ZYG11A: variants seen among roughly 807,000 people sequenced by gnomAD.
ZYG11A encodes protein zyg-11 homolog A.
A neutral mutation model predicts 77.2 loss-of-function variants in ZYG11A; 62 were observed. The observed-to-expected ratio is 0.80, with a 90% CI of 0.65 to 0.99. The LOEUF (loss-of-function observed/expected upper bound fraction) is 0.99, where lower values mean the gene tolerates loss of function less well. ZYG11A is among the 50% of genes least tolerant of loss of function. The pLI, the probability that ZYG11A is intolerant of heterozygous loss-of-function variation, is 0.00. For missense variants in ZYG11A, 828 were observed against 896.8 expected, an observed-to-expected ratio of 0.92 and a Z score of 0.98; for synonymous variants, 315 against 324.6, an observed-to-expected ratio of 0.97 and a Z score of 0.32.
chr1:52,873,189 G>A (rs1646201223), intron 8 of ZYG11A, among the ~76,000 whole-genome samples: 1 of 152,166 alleles, frequency 6.6e-6, no homozygotes, highest in Non-Finnish European at 1.5e-5. Context: ...GCATGCATTT[G>A]TACTCTCAGC....
At chr1:52,859,944 T>G (rs983265452) in intron 3 of ZYG11A, among the ~76,000 whole-genome samples, 1 of 152,080 alleles carries the variant, frequency 6.6e-6, no homozygotes, top group Non-Finnish European at 1.5e-5. Context: ...TCCCAAAGTA[T>G]TGGGATTACA....
chr1:52,857,054 CT>C lies in ZYG11A; in HGVS notation c.314del (p.Leu105ArgfsTer15), dbSNP rs1645825573. ...CCGAGGCAACCAAATGAAACTGAAG[CT>C]GGTCAATATCCAAAAAGCTAAAATC... The part of the protein sequence containing the change: ...IFRGNQMKLK[L>X]VNIQKAKIST... On this transcript the variant is annotated frameshift_variant, in exon 3 of 14. Coordinates refer to ENST00000371528, the MANE Select transcript of ZYG11A (RefSeq NM_001004339.3). LOFTEE classifies it high-confidence loss of function. The C allele has an allele frequency of 6.5e-7, 1 of 1,550,134 alleles. No individual in the cohort carries two copies. The highest frequency in any genetic ancestry group is 1.2e-5 in the South Asian group (1 of 83,810).
At chr1:52,851,793 G>A (rs1645717071) in intron 1 of ZYG11A, among the ~76,000 whole-genome samples, 1 of 151,586 alleles carries the variant, frequency 6.6e-6, no homozygotes, top group Admixed American at 6.6e-5. Flanking sequence ...TGTTGCCCAG[G>A]TTGGAGTGCA....
In ZYG11A at chr1:52,842,764, G is replaced by A; in HGVS notation, c.-120G>A. ...AGCTCGCCGGCAGGGCGCGGCGCTA[G>A]CTCCGTGTGCCTCGCAGGCGTGGTG... is the stretch of plus-strand genomic sequence containing the variant. On this transcript the variant is annotated 5_prime_UTR_variant, in exon 1 of 14. Transcript: ENST00000371528. 1.0e-6 allele frequency: 1 copy of A among 958,596 alleles called. No homozygotes were observed. The highest frequency in any genetic ancestry group is 1.5e-6 in the Non-Finnish European group (1 of 652,060). The allele number at this position is 958,596 out of a possible 1,614,324, so 59.4% of individuals were successfully genotyped here.
intron 13 of ZYG11A, among the ~76,000 whole-genome samples, chr1:52,889,843 CT>C (rs1646510097): frequency 6.6e-6 from 1 of 151,744 alleles, no homozygotes; most frequent in Non-Finnish European, 1.5e-5. Context: ...TCCCAAGTAG[CT>C]GGGACTACAG....
At chr1:52,854,257 C>G (rs1005569137) in intron 1 of ZYG11A, among the ~76,000 whole-genome samples, 1 of 152,118 alleles carries the variant, frequency 6.6e-6, no homozygotes, top group Non-Finnish European at 1.5e-5. Flanking sequence ...TGAGGGACAG[C>G]TGTACAACAG....
intron 13 of ZYG11A, 72 bp downstream of exon 13, chr1:52,887,125 A>G (rs1646466993): frequency 6.3e-6 from 5 of 796,826 alleles, no homozygotes; most frequent in Non-Finnish European, 7.5e-6. Flanking sequence ...TAAGTTCAAG[A>G]TGGATGTGCA....
intron 1 of ZYG11A, among the ~76,000 whole-genome samples, chr1:52,845,635 A>ATTT (rs34141053): frequency 7.2e-6 from 1 of 139,310 alleles, no homozygotes; most frequent in African/African-American, 2.7e-5. Flanking sequence ...TTATTTTTGA[A>ATTT]TTTTTTTTTT....
chr1:52,872,863 A>C (rs1164810719), intron 8 of ZYG11A, among the ~76,000 whole-genome samples: 1 of 140,664 alleles, frequency 7.1e-6, no homozygotes, highest in Non-Finnish European at 1.5e-5. Flanking sequence ...AGCATGGATG[A>C]CAGAGTGAGA....
At position 52,869,937 on chromosome 1, in the gene ZYG11A, C is replaced by T. The variant is rs181061442; in HGVS notation, c.1542+2160C>T. 7.7e-5 allele frequency among the ~76,000 whole-genome samples: 11 copies of T among 142,166 alleles called. No individual in the cohort carries two copies. In the East Asian group the frequency reaches 8.0e-4, roughly 10 times the overall value. 93.3% of individuals were successfully genotyped at this position (142,166 alleles called of 152,430 possible). A position where few individuals can be genotyped will look rare whatever the true frequency, so the allele number is the denominator to read the frequency against. ...ACCCCCCCCACACCTCCCTCCCAGA[C>T]AGGGTGGCTGGCCGGGCGGGGGGCT... On this transcript the variant is annotated intron_variant, in intron 8 of 13. Coordinates refer to ENST00000371528, the MANE Select transcript of ZYG11A (RefSeq NM_001004339.3).
At chr1:52,886,474 C>A (rs1408477397) in intron 12 of ZYG11A, among the ~76,000 whole-genome samples, 1 of 152,034 alleles carries the variant, frequency 6.6e-6, no homozygotes, top group Non-Finnish European at 1.5e-5. Flanking sequence ...ATTGTATGCT[C>A]GGTCACAGGG....
rs1646582597 is a variant in ZYG11A, at chr1:52,893,771, A to G, written c.*814A>G. 1 of 150,938 alleles carries G rather than the reference A, an allele frequency of 6.6e-6. No individual in the cohort carries two copies. Among genetic ancestry groups the G allele is most frequent in the African/African-American group, 2.4e-5 (1 of 40,990 alleles). 9.3% of individuals were successfully genotyped at this position (150,938 alleles called of 1,614,324 possible). ...CAGAGTGAGACCTCATCTCAAATGA[A>G]TAGAGGGGTGGAGAAAAGAGAAATA... On this transcript the variant is annotated 3_prime_UTR_variant, in exon 14 of 14. Transcript: ENST00000371528.
chr1:52,872,756 G>A (rs1358199875), intron 8 of ZYG11A, among the ~76,000 whole-genome samples: 2 of 150,024 alleles, frequency 1.3e-5, no homozygotes, highest in Non-Finnish European at 3.0e-5. Flanking sequence ...GGTGGCAAAT[G>A]CCTGTAATCC....
At chr1:52,888,470 G>A (rs1392418209) in intron 13 of ZYG11A, among the ~76,000 whole-genome samples, 1 of 152,134 alleles carries the variant, frequency 6.6e-6, no homozygotes, top group Admixed American at 6.6e-5. Flanking sequence ...CAATTCTCCT[G>A]CCTCAGCCTC....
intron 8 of ZYG11A, among the ~76,000 whole-genome samples, chr1:52,870,413 A>C (rs1197845419): frequency 6.6e-6 from 1 of 151,042 alleles, no homozygotes; most frequent in African/African-American, 2.4e-5. Flanking sequence ...CACATCCCAG[A>C]CGATGGGCGG....
In ZYG11A at chr1:52,894,054, ACCCGTCTCGGCCT is replaced by A. The variant is rs1254466291; in HGVS notation, c.*1101_*1113del. On this transcript the variant is annotated 3_prime_UTR_variant, in exon 14 of 14. Coordinates refer to ENST00000371528, the MANE Select transcript of ZYG11A (RefSeq NM_001004339.3). ...TCTCGACCTCCTGACCTCGTGATCC[ACCCGTCTCGGCCT>A]CCCAAAGTGCTGGGATTACAGGTGT... 2 of 151,742 alleles carry A rather than the reference ACCCGTCTCGGCCT, an allele frequency of 1.3e-5. No homozygotes were observed. Among genetic ancestry groups the A allele is most frequent in the African/African-American group, 4.8e-5 (2 of 41,300 alleles). 9.4% of individuals were successfully genotyped at this position (151,742 alleles called of 1,614,324 possible). A position where few individuals can be genotyped will look rare whatever the true frequency, so the allele number is the denominator to read the frequency against.
intron 13 of ZYG11A, among the ~76,000 whole-genome samples, chr1:52,890,212 T>A (rs1401123421): frequency 6.6e-6 from 1 of 150,950 alleles, no homozygotes; most frequent in Non-Finnish European, 1.5e-5. Context: ...AGTTACTTAC[T>A]TTATTTTAGC....
chr1:52,866,165 C>A (rs1159960535), intron 5 of ZYG11A, among the ~76,000 whole-genome samples: 1 of 152,066 alleles, frequency 6.6e-6, no homozygotes, highest in Non-Finnish European at 1.5e-5. Context: ...TCTCGATCTC[C>A]TGACCTCGTG....
Position 52,863,977 on chromosome 1 carries a change from T to G in ZYG11A, c.1150-4T>G. On this transcript the variant is annotated splice_region_variant and splice_polypyrimidine_tract_variant and intron_variant, in intron 4 of 13. Coordinates refer to ENST00000371528, the MANE Select transcript of ZYG11A (RefSeq NM_001004339.3). ...ATATGCACTAAAAACAAGTTCATCT[T>G]CAGCTTGTGGCTATAGGAATGAGGA... The G allele has an allele frequency of 6.5e-7, 1 of 1,546,954 alleles. No individual in the cohort carries two copies.
Sources: gnomAD v4.1 joint callset for allele counts (sites outside exome capture counted in the v4.1 genomes callset) on GRCh38, gnomAD v4.1.1 for gene constraint, MANE v1.5 for transcripts, NCBI Gene and HGNC (gene_info 2026-07-23, HGNC 2026-07-21) for gene names.